The following SMARCB1 variants were observed in gnomAD, a reference collection of about 807,000 sequenced individuals.
SMARCB1 encodes SWI/SNF related BAF chromatin remodeling complex subunit B1, also known as SWI/SNF-related matrix-associated actin-dependent regulator of chromatin subfamily B member 1.
SMARCB1 carries 5 observed loss-of-function variants against 49.0 expected under a neutral mutation model. The observed-to-expected ratio is 0.10, with a 90% confidence interval of 0.05 to 0.21. The LOEUF (loss-of-function observed/expected upper bound fraction) is 0.21. SMARCB1 is among the 10% of genes least tolerant of loss of function. SMARCB1 has a pLI of 1.00. For missense variants in SMARCB1, 226 were observed against 509.2 expected, an observed-to-expected ratio of 0.44 and a Z score of 5.35; for synonymous variants, 201 against 200.1, an observed-to-expected ratio of 1.00 and a Z score of -0.04.
At chr22:23,796,393 C>G (rs973635998) in intron 3 of SMARCB1, among the ~76,000 whole-genome samples, 3 of 151,804 alleles carry the variant, frequency 2.0e-5, no homozygotes, top group African/African-American at 7.3e-5. Context: ...CGAGACGGGT[C>G]CTGTGGGTGA....
chr22:23,825,860 T>C (rs575742025), intron 7 of SMARCB1: 135 of 176,902 alleles, frequency 7.6e-4, no homozygotes, highest in Non-Finnish European at 1.3e-3. Flanking sequence ...GAGTCAGGGG[T>C]CCCTAGCAGC....
chr22:23,787,387 G>A (rs998501718), intron 1 of SMARCB1, 125 bp downstream of exon 1: 1 of 481,156 alleles, frequency 2.1e-6, no homozygotes, highest in East Asian at 3.7e-5. Flanking sequence ...GCGCGCTCGG[G>A]GCTGTGGGGC....
At chr22:23,803,539 T>G in intron 5 of SMARCB1, 117 bp downstream of exon 5, 1 of 1,226,832 alleles carries the variant, frequency 8.2e-7, no homozygotes, top group Non-Finnish European at 1.2e-6. Flanking sequence ...ACGCAGGACA[T>G]CGGGGCATAG....
At chr22:23,804,104 A>G (rs1422142803) in intron 5 of SMARCB1, 1 of 149,192 alleles carries the variant, frequency 6.7e-6, no homozygotes, top group South Asian at 2.1e-4. Flanking sequence ...CTTGTTGCAT[A>G]CCAGTTTTTT....
intron 1 of SMARCB1, among the ~76,000 whole-genome samples, chr22:23,789,844 A>G (rs1928264725): frequency 6.6e-6 from 1 of 152,226 alleles, no homozygotes; most frequent in Non-Finnish European, 1.5e-5. Context: ...GCCCTGTGGA[A>G]AACAGGCACT....
intron 1 of SMARCB1, 52 bp from the exon 2 acceptor site, chr22:23,791,704 C>G: frequency 6.3e-6 from 10 of 1,596,166 alleles, no homozygotes; most frequent in Non-Finnish European, 1.7e-6. Flanking sequence ...GGACCCTCCC[C>G]TTCCCTGTGG....
chr22:23,831,935 C>G (rs1181103724), intron 7 of SMARCB1, among the ~76,000 whole-genome samples: 1 of 152,174 alleles, frequency 6.6e-6, no homozygotes, highest in Non-Finnish European at 1.5e-5. Flanking sequence ...TCTGGCCCTG[C>G]CTCTGCGTCA....
Position 23,837,304 on chromosome 22 carries a change from G to A in SMARCB1, c.*3124G>A, listed in dbSNP as rs1351483893. ...AAGCCTTGCACAGAGTGCCAGCCCC[G>A]GGTTGGCCGTGAAGGACAAGCTTAA... On this transcript the variant is annotated 3_prime_UTR_variant, in exon 9 of 9. Transcript: ENST00000644036. The A allele has an allele frequency of 2.2e-5, 23 of 1,059,954 alleles. No homozygotes were observed. The highest frequency in any genetic ancestry group is 1.3e-4 in the East Asian group (5 of 38,272). 65.7% of individuals were successfully genotyped at this position (1,059,954 alleles called of 1,614,324 possible). A position where few individuals can be genotyped will look rare whatever the true frequency, so the allele number is the denominator to read the frequency against.
At chr22:23,794,366 C>T (rs1292070468) in intron 3 of SMARCB1, among the ~76,000 whole-genome samples, 12 of 152,132 alleles carry the variant, frequency 7.9e-5, no homozygotes, top group Admixed American at 6.5e-4. Flanking sequence ...TCCTGGATTC[C>T]GGAGAACAGT....
chr22:23,787,619 C>G (rs1928096792), intron 1 of SMARCB1, among the ~76,000 whole-genome samples: 1 of 152,120 alleles, frequency 6.6e-6, no homozygotes, highest in East Asian at 1.9e-4. Flanking sequence ...GCCTTTGACC[C>G]TTTTTAGATG....
intron 3 of SMARCB1, among the ~76,000 whole-genome samples, chr22:23,796,510 T>G (rs190401365): frequency 6.6e-6 from 1 of 152,300 alleles, no homozygotes; most frequent in Admixed American, 6.5e-5. Flanking sequence ...AAAGGATTAT[T>G]GTTCAGAGTG....
At position 23,787,053 on chromosome 22, in the gene SMARCB1, C is replaced by G. The variant is rs11090285; in HGVS notation, c.-117C>G. The G allele has an allele frequency of 1.5e-6, 1 of 686,098 alleles. No homozygotes were observed. The highest frequency in any genetic ancestry group is 2.5e-6 in the Non-Finnish European group (1 of 394,120). The allele number at this position is 686,098 out of a possible 1,614,324, so 42.5% of individuals were successfully genotyped here. A position where few individuals can be genotyped will look rare whatever the true frequency, so the allele number is the denominator to read the frequency against. ...GCCCGGCTGAGGCGCCAGTACCCGG[C>G]CCGGTCCGCATTTCGCCTTCCGGCT... On this transcript the variant is annotated 5_prime_UTR_variant, in exon 1 of 9. Transcript: ENST00000644036.
chr22:23,804,487 C>T (rs909568037), intron 5 of SMARCB1: 3 of 152,166 alleles, frequency 2.0e-5, no homozygotes, highest in African/African-American at 7.2e-5. Context: ...ATAGTTGTCA[C>T]TATAGAGCAA....
At chr22:23,790,158 A>G (rs963431078) in intron 1 of SMARCB1, among the ~76,000 whole-genome samples, 5 of 152,172 alleles carry the variant, frequency 3.3e-5, no homozygotes, top group African/African-American at 1.2e-4. Flanking sequence ...GGGGGCATCT[A>G]GGAGACTCAG....
intron 5 of SMARCB1, among the ~76,000 whole-genome samples, chr22:23,810,888 G>A (rs1189205738): frequency 7.9e-5 from 12 of 152,042 alleles, no homozygotes; most frequent in Non-Finnish European, 1.0e-4. Context: ...AAATTAGCTG[G>A]GTGTGGTGGC....
chr22:23,798,175 C>T (rs551316820), intron 3 of SMARCB1, among the ~76,000 whole-genome samples: 1 of 152,232 alleles, frequency 6.6e-6, no homozygotes, highest in East Asian at 1.9e-4. Context: ...GGAAATCACC[C>T]GTGGAAGCTG....
Position 23,835,055 on chromosome 22 carries a change from G to C in SMARCB1, c.*875G>C. On this transcript the variant is annotated 3_prime_UTR_variant, in exon 9 of 9. Coordinates refer to ENST00000644036, the MANE Select transcript of SMARCB1 (RefSeq NM_003073.5). ...GCTGGGGCCCTTTCCCACCCCAGCAGGTGCTGTGGCCTGGGCCAGCTCCTG... is the reference window on the plus strand; with the variant it reads ...GCTGGGGCCCTTTCCCACCCCAGCACGTGCTGTGGCCTGGGCCAGCTCCTG... 7.1e-7 allele frequency: 1 copy of C among 1,403,600 alleles called. No homozygotes were observed. Among genetic ancestry groups the C allele is most frequent in the South Asian group, 1.6e-5 (1 of 63,364 alleles). The allele number at this position is 1,403,600 out of a possible 1,614,324, so 86.9% of individuals were successfully genotyped here. A position where few individuals can be genotyped will look rare whatever the true frequency, so the allele number is the denominator to read the frequency against.
chr22:23,830,649 C>T (rs1183020238), intron 7 of SMARCB1, among the ~76,000 whole-genome samples: 12 of 95,442 alleles, frequency 1.3e-4, no homozygotes, highest in East Asian at 3.7e-4. Flanking sequence ...TCCAATTTAT[C>T]TTTTTTTTTT....
At chr22:23,801,637 T>C in intron 4 of SMARCB1, 1 of 341,110 alleles carries the variant, frequency 2.9e-6, no homozygotes, top group South Asian at 2.3e-5. Context: ...GGCTGCCACG[T>C]TCCAGTCTCA....
Sources: allele counts gnomAD v4.1 joint callset (sites outside exome capture counted in the v4.1 genomes callset), GRCh38; gene constraint gnomAD v4.1.1; transcripts MANE v1.5; gene names NCBI Gene and HGNC (gene_info 2026-07-23, HGNC 2026-07-21).